FRYL: variants seen among roughly 807,000 people sequenced by gnomAD.
The protein encoded by FRYL is FRY like transcription coactivator, also known as protein furry homolog-like.
Under a neutral mutation model 351.2 loss-of-function variants are expected in FRYL, and 150 were observed. The observed-to-expected ratio is 0.43, with a 90% CI of 0.37 to 0.49. The LOEUF (loss-of-function observed/expected upper bound fraction) is 0.49, where lower values mean the gene tolerates loss of function less well. FRYL is among the 20% of genes least tolerant of loss of function. FRYL has a pLI of 0.00. For missense variants in FRYL, 3,036 were observed against 3,619.3 expected (o/e 0.84, Z 4.13); for synonymous variants, 1,153 against 1,257.1 (o/e 0.92, Z 1.75).
chr4:48,563,256 T>C (rs919926262), intron 31 of FRYL, among the ~76,000 whole-genome samples: 2 of 142,700 alleles, frequency 1.4e-5, no homozygotes, highest in Non-Finnish European at 3.1e-5. Context: ...ACACATAAAA[T>C]ACACTAAAAA....
intron 19 of FRYL, among the ~76,000 whole-genome samples, chr4:48,585,047 T>C (rs1049729234): frequency 1.3e-5 from 2 of 151,936 alleles, no homozygotes; most frequent in African/African-American, 4.8e-5. Flanking sequence ...ATAGTTACAG[T>C]TTCATTTTGG....
At chr4:48,642,425 A>T (rs1398608252) in intron 3 of FRYL, among the ~76,000 whole-genome samples, 1 of 152,158 alleles carries the variant, frequency 6.6e-6, no homozygotes, top group Non-Finnish European at 1.5e-5. Flanking sequence ...TTCTATTCCC[A>T]AATACTTTAT....
intron 41 of FRYL, among the ~76,000 whole-genome samples, chr4:48,547,166 T>G (rs1399152542): frequency 6.6e-6 from 1 of 152,196 alleles, no homozygotes; most frequent in Non-Finnish European, 1.5e-5. Context: ...TAACTTGGAC[T>G]TCACTACTTC....
At chr4:48,755,153 G>A (rs1016203925) in intron 1 of FRYL, among the ~76,000 whole-genome samples, 24 of 152,186 alleles carry the variant, frequency 1.6e-4, no homozygotes, top group Admixed American at 3.9e-4. Flanking sequence ...AAATATTGAC[G>A]TTGTTTATAT....
At position 48,652,250 on chromosome 4, in the gene FRYL, A is replaced by T. The variant is rs184786783; in HGVS notation, c.-80-17760T>A. ...AAGACAAGCTGCTGTGATATAATAC[A>T]CTGTTCTTCTATAAGAAGTTGTTAA... On this transcript the variant is annotated intron_variant, in intron 3 of 63. Coordinates refer to ENST00000358350, the MANE Select transcript of FRYL (RefSeq NM_015030.2). 3.9e-3 allele frequency among the ~76,000 whole-genome samples: 601 copies of T among 152,316 alleles called. 1 individual carries two copies. Among genetic ancestry groups the T allele is most frequent in the Non-Finnish European group, 6.4e-3 (432 of 68,020 alleles).
rs990235598 is a variant in FRYL at position 48,540,092 on chromosome 4, C to T, written c.6296-24G>A. 3.2e-6 allele frequency: 5 copies of T among 1,544,154 alleles called. No homozygotes were observed. The Admixed American group carries it at 7.1e-5, about 22-fold the overall frequency. ...GCCTATCAAAACAAAAAAAAGCAAA[C>T]AATAACCAATTTTATTGCACATTAT... On this transcript the variant is annotated intron_variant, in intron 46 of 63. Transcript: ENST00000358350.
chr4:48,581,420 CT>C lies in FRYL; in HGVS notation c.2171del (p.Lys724ArgfsTer6). ...ACTGAATGAAATACCTAAATCTTAC[CT>C]TAGGTATTTCCAGAAGTGCAAATAA... ...RALFALLEIP[K>X]GDDELAIDVM... On this transcript the variant is annotated frameshift_variant and splice_region_variant, in exon 21 of 64. Transcript: ENST00000358350. LOFTEE classifies it high-confidence loss of function. 6.2e-7 allele frequency: 1 copy of C among 1,601,284 alleles called. No homozygotes were observed. The highest frequency in any genetic ancestry group is 8.5e-7 in the Non-Finnish European group (1 of 1,174,228).
chr4:48,689,837 T>G (rs560337843), intron 2 of FRYL, among the ~76,000 whole-genome samples: 9 of 152,088 alleles, frequency 5.9e-5, no homozygotes, highest in African/African-American at 1.7e-4. Flanking sequence ...ATAAAAATCC[T>G]CCTTATACTT....
chr4:48,568,551 T>C (rs1255747377), intron 27 of FRYL, among the ~76,000 whole-genome samples: 1 of 152,178 alleles, frequency 6.6e-6, no homozygotes, highest in African/African-American at 2.4e-5. Context: ...AAATTACTTC[T>C]AATATATATT....
Position 48,548,758 on chromosome 4 carries a change from A to C in FRYL, c.4820T>G (p.Ile1607Ser). 2 of 1,611,642 alleles carry C rather than the reference A, an allele frequency of 1.2e-6. No homozygotes were observed. The highest frequency in any genetic ancestry group is 1.7e-6 in the Non-Finnish European group (2 of 1,178,056). ...NIAVILLTDLIIDHSVKVEWG... is the reference protein window; with the variant it reads ...NIAVILLTDLSIDHSVKVEWG... ...TTCCACCTTCACACTATGATCAATG[A>C]TGAGATCAGTCAAAAGGATCACTGC... The change falls in exon 40 of 64, where the codon ATC becomes AGC. Residue 1607 changes from isoleucine (I) to serine (S), a missense_variant. Physicochemically the swap from Ile to Ser is moderately radical, Grantham distance 142. This residue lies in a region of FRYL where 1,987 missense variants were observed against 2,311.7 expected (regional missense o/e 0.86). Transcript: ENST00000358350.
intron 1 of FRYL, among the ~76,000 whole-genome samples, chr4:48,770,299 T>C (rs1775382942): frequency 1.3e-5 from 2 of 152,206 alleles, no homozygotes; most frequent in African/African-American, 4.8e-5. Flanking sequence ...GTGATGATAT[T>C]CAATCACATT....
At chr4:48,689,808 T>A (rs1765511348) in intron 2 of FRYL, among the ~76,000 whole-genome samples, 1 of 152,136 alleles carries the variant, frequency 6.6e-6, no homozygotes, top group South Asian at 2.1e-4. Flanking sequence ...AACCATTAAT[T>A]ATGGATTAAG....
At chr4:48,512,719 C>G in intron 56 of FRYL, 31 bp from the exon 57 acceptor site, 1 of 1,509,260 alleles carries the variant, frequency 6.6e-7, no homozygotes, top group South Asian at 1.1e-5. Context: ...AATATCATAA[C>G]ACTATCTCAG....
At chr4:48,598,886 A>G in intron 13 of FRYL, 1 of 982,012 alleles carries the variant, frequency 1.0e-6, no homozygotes, top group Non-Finnish European at 1.2e-6. Context: ...AAATAAAGCA[A>G]TGTGAGACAG....
At chr4:48,739,654 G>T (rs1011017836) in intron 1 of FRYL, among the ~76,000 whole-genome samples, 2 of 152,058 alleles carry the variant, frequency 1.3e-5, no homozygotes. Context: ...AGCTGACCTT[G>T]AATTTGGCAA....
intron 57 of FRYL, among the ~76,000 whole-genome samples, chr4:48,511,229 T>G (rs1722405513): frequency 6.6e-6 from 1 of 152,168 alleles, no homozygotes; most frequent in Admixed American, 6.6e-5. Flanking sequence ...ATCTCCCTAT[T>G]CCTGAGATTT....
intron 2 of FRYL, among the ~76,000 whole-genome samples, chr4:48,692,398 CTT>C (rs537839806): frequency 3.4e-5 from 5 of 146,412 alleles, no homozygotes; most frequent in Admixed American, 1.4e-4. Flanking sequence ...TTCTTTCTAT[CTT>C]TTTTTTTTTT....
intron 1 of FRYL, among the ~76,000 whole-genome samples, chr4:48,773,572 AG>A (rs1775729884): frequency 1.3e-5 from 2 of 152,130 alleles, no homozygotes; most frequent in Admixed American, 1.3e-4. Context: ...TGGTTTTCAT[AG>A]GGGAAAAAAA....
At chr4:48,532,491 C>T (rs1008105078) in intron 49 of FRYL, among the ~76,000 whole-genome samples, 1 of 152,110 alleles carries the variant, frequency 6.6e-6, no homozygotes, top group African/African-American at 2.4e-5. Flanking sequence ...AACCCCATCT[C>T]TACTAAAAAT....
Sources: gnomAD v4.1 joint callset for allele counts (sites outside exome capture counted in the v4.1 genomes callset) on GRCh38, gnomAD v4.1.1 for gene constraint, gnomAD v4.1.1 regional missense constraint, MANE v1.5 for transcripts, NCBI Gene and HGNC (gene_info 2026-07-23, HGNC 2026-07-21) for gene names.